DNAAF5: variants seen among roughly 807,000 people sequenced by gnomAD.
DNAAF5 encodes the protein dynein axonemal assembly factor 5.
Under a neutral mutation model 75.8 loss-of-function variants are expected in DNAAF5, and 64 were observed. The ratio of observed to expected loss-of-function variants is 0.84; its 90% CI spans 0.69 to 1.04. The LOEUF is 1.04. Among genes scored for constraint, DNAAF5 ranks in the 50% least tolerant of loss-of-function variants. The probability of loss-of-function intolerance (pLI) is 0.00; values close to 1 mark genes in which losing one functional copy is unlikely to be tolerated. For missense variants in DNAAF5, 1,269 were observed against 1,178.5 expected (o/e 1.08, Z -1.12); for synonymous variants, 657 against 557.2 (o/e 1.18, Z -2.52).
intron 12 of DNAAF5, among the ~76,000 whole-genome samples, chr7:784,249 C>G (rs1304160612): frequency 6.6e-6 from 1 of 152,234 alleles, no homozygotes; most frequent in Admixed American, 6.5e-5. Context: ...GTGGGCCCCT[C>G]ACTGCTCCTC....
chr7:763,754 G>A, intron 7 of DNAAF5, 52 bp from the exon 8 acceptor site: 1 of 1,589,678 alleles, frequency 6.3e-7, no homozygotes, highest in South Asian at 1.1e-5. Context: ...AGGCAGGCAG[G>A]CTTGAGCCCT....
rs1441316710 is a variant in DNAAF5, at chr7:765,771, G to A, written c.1783+1797G>A. 2.0e-5 allele frequency among the ~76,000 whole-genome samples: 3 copies of A among 152,308 alleles called. No homozygotes were observed. In the East Asian group the frequency reaches 5.8e-4, roughly 29 times the overall value. Reference sequence around the variant, plus strand: ...GCTGGAGTGCAGTGGTACGATCACAGCTCACTGTAGCCTCAAACTTCCGGG... The same window carrying A: ...GCTGGAGTGCAGTGGTACGATCACAACTCACTGTAGCCTCAAACTTCCGGG... On this transcript the variant is annotated intron_variant, in intron 8 of 12. Coordinates refer to ENST00000297440, the MANE Select transcript of DNAAF5 (RefSeq NM_017802.4).
At chr7:781,974 C>T (rs887991509) in intron 12 of DNAAF5, among the ~76,000 whole-genome samples, 1 of 152,268 alleles carries the variant, frequency 6.6e-6, no homozygotes, top group Non-Finnish European at 1.5e-5. Context: ...CTCATTCTTC[C>T]CTTTGCTGTG....
intron 4 of DNAAF5, among the ~76,000 whole-genome samples, chr7:745,639 CCT>C (rs1044653918): frequency 7.9e-5 from 12 of 152,190 alleles, no homozygotes; most frequent in African/African-American, 2.4e-4. Context: ...ACATGTATAT[CCT>C]CACACACGTA....
At chr7:783,353 C>T (rs1583529436) in intron 12 of DNAAF5, among the ~76,000 whole-genome samples, 1 of 152,298 alleles carries the variant, frequency 6.6e-6, no homozygotes, top group African/African-American at 2.4e-5. Context: ...GTGAGTGTGG[C>T]AGGGGGCGTG....
In DNAAF5 at chr7:785,827, C is replaced by T. The variant is rs1194812762; in HGVS notation, c.*174C>T. The T allele has an allele frequency of 1.5e-6, 1 of 665,712 alleles. No homozygotes were observed. Among genetic ancestry groups the T allele is most frequent in the Non-Finnish European group, 2.5e-6 (1 of 403,696 alleles). 41.2% of individuals were successfully genotyped at this position (665,712 alleles called of 1,614,324 possible). ...TGGAATAACAGCCTCTGAGTGGATT[C>T]TGCATGTTATGTGATTTGTTCTGTT... On this transcript the variant is annotated 3_prime_UTR_variant, in exon 13 of 13. Transcript: ENST00000297440.
rs759190070 is a variant in DNAAF5, at chr7:740,973, C to T, written c.905+30C>T. ...GTGGGCAGGCGGCCGCGGGCCTTGTCTTCCTAAACGGTCATGTGTAGCAGT... is the reference window on the plus strand; with the variant it reads ...GTGGGCAGGCGGCCGCGGGCCTTGTTTTCCTAAACGGTCATGTGTAGCAGT... On this transcript the variant is annotated intron_variant, in intron 3 of 12. Coordinates refer to ENST00000297440, the MANE Select transcript of DNAAF5 (RefSeq NM_017802.4). 5 of 1,607,530 alleles carry T rather than the reference C, an allele frequency of 3.1e-6. No individual in the cohort carries two copies. The East Asian group carries it at 6.7e-5, about 22-fold the overall frequency.
Position 785,595 on chromosome 7 carries a change from C to T in DNAAF5, c.2510C>T (p.Ser837Leu), listed in dbSNP as rs115620965. 73 of 1,613,264 alleles carry T rather than the reference C, an allele frequency of 4.5e-5. No homozygotes were observed. In the African/African-American group the frequency reaches 8.1e-4, roughly 18 times the overall value. Reference protein sequence around the residue: ...ETEAVIHKHRSATYCEQLLQH... With the variant: ...ETEAVIHKHRLATYCEQLLQH... ...GAGGCCGTCATCCACAAGCACCGCT[C>T]GGCCACCTACTGCGAGCAGCTCCTG... Residue 837 changes from serine (S) to leucine (L), a missense_variant, in exon 13 of 13, where the codon TCG becomes TTG. Transcript: ENST00000297440.
At chr7:735,679 TTC>T (rs2128071183) in intron 2 of DNAAF5, among the ~76,000 whole-genome samples, 1 of 152,368 alleles carries the variant, frequency 6.6e-6, no homozygotes, top group East Asian at 1.9e-4. Flanking sequence ...TACTTGGGTC[TTC>T]TCTTTTTCTT....
At chr7:774,953 C>T (rs1562399554) in intron 10 of DNAAF5, 53 bp from the exon 11 acceptor site, 4 of 1,566,824 alleles carry the variant, frequency 2.6e-6, no homozygotes, top group Non-Finnish European at 3.5e-6. Flanking sequence ...TGAGCACCCC[C>T]ACCCCACCCC....
At chr7:759,636 T>G (rs1248252378) in intron 6 of DNAAF5, among the ~76,000 whole-genome samples, 1 of 152,232 alleles carries the variant, frequency 6.6e-6, no homozygotes, top group Non-Finnish European at 1.5e-5. Context: ...TCGTTCTGTG[T>G]GTGTGCGTTG....
intron 6 of DNAAF5, among the ~76,000 whole-genome samples, chr7:760,864 G>C (rs977775045): frequency 6.6e-6 from 1 of 152,182 alleles, no homozygotes; most frequent in Non-Finnish European, 1.5e-5. Context: ...AACATGTTAA[G>C]CCATAGAATT....
Position 756,959 on chromosome 7 carries a change from C to T in DNAAF5, c.1435C>T (p.Leu479=). The change falls in exon 6 of 13, where the codon CTG becomes TTG. Residue 479 remains leucine, a synonymous_variant. Transcript: ENST00000297440. The part of the protein sequence containing the change: ...QPHLAAIATE[L]AQAHICQASE... ...GCACCTGGCAGCCATCGCCACAGAG[C>T]TGGCACAGGCCCACATCTGCCAGGC... 6.2e-7 allele frequency: 1 copy of T among 1,606,474 alleles called. No individual in the cohort carries two copies. The highest frequency in any genetic ancestry group is 8.5e-7 in the Non-Finnish European group (1 of 1,179,888).
At position 727,129 on chromosome 7, in the gene DNAAF5, G is replaced by C; in HGVS notation, c.409G>C (p.Ala137Pro). Residue 137 changes from alanine (A) to proline (P), a missense_variant, in exon 1 of 13, where the codon GCC becomes CCC. Ala to Pro is a conservative substitution (Grantham distance 27). Coordinates refer to ENST00000297440, the MANE Select transcript of DNAAF5 (RefSeq NM_017802.4). ...GPVPARRPPE[A>P]CEELRLALVQ... ...CGTGCCCGCGCGCCGCCCGCCCGAGGCCTGTGAGGAGCTGCGCCTGGCGCT... is the reference window on the plus strand; with the variant it reads ...CGTGCCCGCGCGCCGCCCGCCCGAGCCCTGTGAGGAGCTGCGCCTGGCGCT... The C allele has an allele frequency of 1.7e-6, 2 of 1,189,266 alleles. No individual in the cohort carries two copies. The highest frequency in any genetic ancestry group is 1.0e-6 in the Non-Finnish European group (1 of 960,570). 73.7% of individuals were successfully genotyped at this position (1,189,266 alleles called of 1,614,324 possible).
At chr7:776,497 G>C (rs898467249) in intron 11 of DNAAF5, among the ~76,000 whole-genome samples, 7 of 152,146 alleles carry the variant, frequency 4.6e-5, no homozygotes, top group Non-Finnish European at 8.8e-5. Flanking sequence ...ACAAGGCTCA[G>C]CTTCCACGCG....
chr7:740,250 C>T (rs967473436), intron 2 of DNAAF5, among the ~76,000 whole-genome samples: 5 of 152,230 alleles, frequency 3.3e-5, no homozygotes, highest in Non-Finnish European at 4.4e-5. Context: ...GTTTCTTCCG[C>T]CTGCATAGGC....
Position 729,605 on chromosome 7 carries a change from G to A in DNAAF5, c.596-58G>A. On this transcript the variant is annotated intron_variant, in intron 1 of 12. Transcript: ENST00000297440. The stretch of plus-strand genomic sequence containing the variant: ...GGCAGCCGTCCTCTGGAAGCCCACA[G>A]AGCTGGGCGAGGCGTGTGGGAGCAG... 23 of 1,539,682 alleles carry A rather than the reference G, an allele frequency of 1.5e-5. No homozygotes were observed. The South Asian group carries it at 2.4e-4, about 16-fold the overall frequency.
intron 8 of DNAAF5, among the ~76,000 whole-genome samples, chr7:766,062 C>T (rs1236921865): frequency 3.3e-5 from 5 of 152,160 alleles, no homozygotes; most frequent in Non-Finnish European, 4.4e-5. Context: ...CTCCTAGGCT[C>T]GAACAGTCTT....
intron 8 of DNAAF5, among the ~76,000 whole-genome samples, chr7:765,707 G>GT (rs1782798694): frequency 1.3e-5 from 2 of 152,152 alleles, no homozygotes; most frequent in African/African-American, 4.8e-5. Flanking sequence ...GGGTTTTTTT[G>GT]TTTTTTGTTT....
Sources: allele counts gnomAD v4.1 joint callset (sites outside exome capture counted in the v4.1 genomes callset), GRCh38; gene constraint gnomAD v4.1.1; transcripts MANE v1.5; gene names NCBI Gene and HGNC (gene_info 2026-07-23, HGNC 2026-07-21).